The following GRAMD2B variants were observed in gnomAD, a reference collection of about 807,000 sequenced individuals.
The protein encoded by GRAMD2B is GRAM domain containing 2B.
A neutral mutation model predicts 59.2 loss-of-function variants in GRAMD2B; 41 were observed. The observed-to-expected ratio is 0.69, with a 90% CI of 0.54 to 0.90. The LOEUF is 0.90. Among genes scored for constraint, GRAMD2B ranks in the 40% least tolerant of loss-of-function variants. The pLI is 0.00. For synonymous variants in GRAMD2B, 161 were observed against 182.7 expected (o/e 0.88, Z 0.96); for missense variants, 424 against 500.5 (o/e 0.85, Z 1.46).
At chr5:126,460,294 TA>T (rs1042051293) in intron 1 of GRAMD2B, among the ~76,000 whole-genome samples, 46 of 152,196 alleles carry the variant, frequency 3.0e-4, no homozygotes, top group Admixed American at 7.2e-4. Context: ...GAAACAGGGG[TA>T]AAAAGAAAAT....
At chr5:126,393,523 A>G (rs1178233461) in intron 1 of GRAMD2B, among the ~76,000 whole-genome samples, 1 of 152,224 alleles carries the variant, frequency 6.6e-6, no homozygotes, top group Non-Finnish European at 1.5e-5. Flanking sequence ...ATACTACAAC[A>G]TTTCAAAAAT....
At chr5:126,478,478 C>T (rs1296357420) in intron 6 of GRAMD2B, among the ~76,000 whole-genome samples, 2 of 151,240 alleles carry the variant, frequency 1.3e-5, no homozygotes, top group African/African-American at 4.9e-5. Context: ...TGGGGGCTCA[C>T]ACCTGTAATC....
upstream of GRAMD2B, among the ~76,000 whole-genome samples, chr5:126,370,542 C>T (rs775605051): frequency 4.1e-4 from 63 of 152,262 alleles, no homozygotes; most frequent in African/African-American, 1.4e-3. Context: ...GAACATTTGT[C>T]GCATGAAGAA....
chr5:126,401,098 T>C (rs1316487776), intron 1 of GRAMD2B, among the ~76,000 whole-genome samples: 3 of 152,060 alleles, frequency 2.0e-5, no homozygotes, highest in African/African-American at 7.2e-5. Context: ...GTTTTATAAA[T>C]CTCTTAGGCT....
rs528366404 is a variant in GRAMD2B, at chr5:126,476,329, C to G, written c.487-1363C>G. Reference sequence around the variant, plus strand: ...CTGGCAGTACTTACATAAAGCCCATCTCTTTGAGAATATGTGAGGCATTTT... The same window carrying G: ...CTGGCAGTACTTACATAAAGCCCATGTCTTTGAGAATATGTGAGGCATTTT... On this transcript the variant is annotated intron_variant, in intron 5 of 13. Transcript: ENST00000285689. Among the ~76,000 whole-genome samples, 6 of 152,276 alleles carry G rather than the reference C, an allele frequency of 3.9e-5. No individual in the cohort carries two copies. The South Asian group carries it at 6.2e-4, about 16-fold the overall frequency.
chr5:126,442,866 C>G (rs1293644515), intron 1 of GRAMD2B, among the ~76,000 whole-genome samples: 2 of 151,756 alleles, frequency 1.3e-5, no homozygotes, highest in Admixed American at 6.6e-5. Context: ...TAAAAAAAAC[C>G]AGTAATTTCA....
intron 1 of GRAMD2B, among the ~76,000 whole-genome samples, chr5:126,401,307 C>A (rs1307102450): frequency 6.6e-6 from 1 of 151,898 alleles, no homozygotes; most frequent in Non-Finnish European, 1.5e-5. Flanking sequence ...TTATTTCTAT[C>A]TTGCTGTTAA....
intron 1 of GRAMD2B, among the ~76,000 whole-genome samples, chr5:126,434,454 C>A (rs1182057919): frequency 6.6e-6 from 1 of 152,172 alleles, no homozygotes; most frequent in African/African-American, 2.4e-5. Context: ...AATGGCCTTT[C>A]TTTCACTGTC....
exon 1 of GRAMD2B, chr5:126,360,316 A>T (rs1580654132): frequency 1.3e-6 from 2 of 1,550,898 alleles, no homozygotes; most frequent in East Asian, 4.9e-5. Flanking sequence ...CTTGAAGATC[A>T]CCTGGCCTCT....
intron 1 of GRAMD2B, among the ~76,000 whole-genome samples, chr5:126,448,052 G>A (rs1450985754): frequency 2.0e-5 from 3 of 151,756 alleles, no homozygotes; most frequent in Non-Finnish European, 2.9e-5. Context: ...GTAGAGAGAG[G>A]GTTTCACTGA....
chr5:126,428,327 G>A (rs1017681850), intron 1 of GRAMD2B, among the ~76,000 whole-genome samples: 15 of 151,964 alleles, frequency 9.9e-5, no homozygotes, highest in Non-Finnish European at 1.9e-4. Context: ...TTCAATATAT[G>A]AAAACTCATA....
exon 1 of GRAMD2B, chr5:126,360,248 T>A (rs1754158846): frequency 2.7e-6 from 4 of 1,468,556 alleles, no homozygotes; most frequent in Non-Finnish European, 3.7e-6. Context: ...CTCAAAGAGC[T>A]GTGGTTGGGC....
At position 126,408,456 on chromosome 5, in the gene GRAMD2B, A is replaced by G. The variant is rs1758452713; in HGVS notation, c.125+36889A>G. 3.3e-5 allele frequency among the ~76,000 whole-genome samples: 5 copies of G among 151,178 alleles called. No individual in the cohort carries two copies. The South Asian group carries it at 8.3e-4, about 25-fold the overall frequency. ...GGTACAATGATTAATTTTCTTTTTG[A>G]TATGTACTCAGTAATGGGATTGCTG... On this transcript the variant is annotated intron_variant, in intron 1 of 8. Coordinates refer to the GRAMD2B transcript ENST00000506445.
chr5:126,439,052 C>T (rs757499906), intron 1 of GRAMD2B, among the ~76,000 whole-genome samples: 10 of 152,046 alleles, frequency 6.6e-5, no homozygotes, highest in East Asian at 1.9e-4. Flanking sequence ...GTATTGACCA[C>T]GAGGGATTAT....
intron 1 of GRAMD2B, among the ~76,000 whole-genome samples, chr5:126,431,415 A>T (rs1761556482): frequency 6.6e-6 from 1 of 152,226 alleles, no homozygotes; most frequent in African/African-American, 2.4e-5. Flanking sequence ...AAACAAACCC[A>T]TTAGAATATG....
chr5:126,427,390 G>A (rs1440899805), intron 1 of GRAMD2B, among the ~76,000 whole-genome samples: 2 of 150,024 alleles, frequency 1.3e-5, no homozygotes, highest in Admixed American at 1.3e-4. Context: ...CCAAAATGAT[G>A]CTGATATATT....
intron 5 of GRAMD2B, 33 bp from the exon 6 acceptor site, chr5:126,477,659 T>C: frequency 8.7e-7 from 1 of 1,143,736 alleles, no homozygotes; most frequent in East Asian, 2.3e-5. Flanking sequence ...CTGTCAAGTC[T>C]GAACTGGCAT....
upstream of GRAMD2B, among the ~76,000 whole-genome samples, chr5:126,421,246 T>A (rs1399689703): frequency 1.3e-5 from 2 of 152,202 alleles, no homozygotes; most frequent in African/African-American, 4.8e-5. Context: ...AATAGTAATG[T>A]TATGTATATT....
Position 126,488,842 on chromosome 5 carries a change from G to A in GRAMD2B, c.1207G>A (p.Val403Met). The A allele has an allele frequency of 2.5e-6, 4 of 1,613,896 alleles. No individual in the cohort carries two copies. Among genetic ancestry groups the A allele is most frequent in the Non-Finnish European group, 3.4e-6 (4 of 1,179,842 alleles). Residue 403 changes from valine (V) to methionine (M), a missense_variant, in exon 13 of 14, where the codon GTG becomes ATG. Val to Met is a conservative substitution (Grantham distance 21). Coordinates refer to ENST00000285689, the MANE Select transcript of GRAMD2B (RefSeq NM_023927.4). ...CCTGAGGTCACAAGTACAATTCAAT[G>A]TGGAGGTTCTCTGTCAAGAGCTTAC... Reference protein sequence around the residue: ...SGLRSQVQFNVEVLCQELTAN... With the variant: ...SGLRSQVQFNMEVLCQELTAN...
Sources: gnomAD v4.1 joint callset for allele counts (sites outside exome capture counted in the v4.1 genomes callset) on GRCh38, gnomAD v4.1.1 for gene constraint, MANE v1.5 for transcripts, NCBI Gene and HGNC (gene_info 2026-07-23, HGNC 2026-07-21) for gene names.